YIPF4: variants seen among roughly 807,000 people sequenced by gnomAD.
YIPF4 encodes Yip1 domain family member 4, also known as protein YIPF4.
A neutral mutation model predicts 29.4 loss-of-function variants in YIPF4; 18 were observed. That is an observed-to-expected ratio of 0.61 (90% CI 0.42 to 0.91). The LOEUF is 0.91. Ranked by LOEUF, YIPF4 falls within the 40% of genes least tolerant of loss-of-function variation. YIPF4 has a pLI of 0.00. For missense variants in YIPF4, 279 were observed against 282.7 expected, an observed-to-expected ratio of 0.99 and a Z score of 0.09; for synonymous variants, 115 against 104.7, an observed-to-expected ratio of 1.10 and a Z score of -0.60.
At chr2:32,279,541 G>A (rs1368242518) in intron 1 of YIPF4, among the ~76,000 whole-genome samples, 2 of 150,602 alleles carry the variant, frequency 1.3e-5, no homozygotes, top group Non-Finnish European at 3.0e-5. Flanking sequence ...GGGACTACAG[G>A]CGCCCGCCAC....
intron 1 of YIPF4, among the ~76,000 whole-genome samples, chr2:32,279,204 C>G (rs1381901139): frequency 2.6e-5 from 4 of 152,008 alleles, no homozygotes; most frequent in Admixed American, 1.3e-4. Flanking sequence ...ATCTCCTGAC[C>G]TCGTGATCCG....
intron 5 of YIPF4, 90 bp downstream of exon 5, chr2:32,301,585 C>T (rs768249506): frequency 3.7e-6 from 3 of 819,664 alleles, no homozygotes; most frequent in Non-Finnish European, 5.7e-6. Context: ...TGATATAAAA[C>T]TCTTTATCAA....
intron 2 of YIPF4, chr2:32,290,984 A>G (rs2030885522): frequency 6.5e-6 from 1 of 153,718 alleles, no homozygotes; most frequent in South Asian, 2.1e-4. Flanking sequence ...AAGATTTCCA[A>G]GAAGATTACC....
chr2:32,278,265 C>G (rs899211073), intron 1 of YIPF4, 31 bp downstream of exon 1: 20 of 1,528,880 alleles, frequency 1.3e-5, no homozygotes, highest in Admixed American at 2.1e-5. Flanking sequence ...GGGCTATCAC[C>G]CGGAGGAAGC....
chr2:32,281,744 C>A (rs1246199277), intron 1 of YIPF4, among the ~76,000 whole-genome samples: 1 of 151,736 alleles, frequency 6.6e-6, no homozygotes, highest in Non-Finnish European at 1.5e-5. Flanking sequence ...AAAAAATTAG[C>A]CGGGCATGGT....
chr2:32,285,810 C>T (rs542022505), intron 1 of YIPF4, among the ~76,000 whole-genome samples: 17 of 152,138 alleles, frequency 1.1e-4, no homozygotes, highest in African/African-American at 3.1e-4. Flanking sequence ...TGCTCGCCAC[C>T]GCACCCGGCT....
At chr2:32,280,709 C>T (rs764304587) in intron 1 of YIPF4, among the ~76,000 whole-genome samples, 6 of 151,738 alleles carry the variant, frequency 4.0e-5, no homozygotes, top group Non-Finnish European at 5.9e-5. Flanking sequence ...GTAGATCTCA[C>T]TAGGTTGCCT....
In YIPF4 at chr2:32,307,026, A is replaced by T; in HGVS notation, c.*1400A>T. On this transcript the variant is annotated 3_prime_UTR_variant, in exon 6 of 6. Transcript: ENST00000238831. ...AAGGAAAGAAAGAAAAACTTATTTTAAGCTGCAGAAAAAGTGTGGAGCACT... is the reference window on the plus strand; with the variant it reads ...AAGGAAAGAAAGAAAAACTTATTTTTAGCTGCAGAAAAAGTGTGGAGCACT... 1.0e-6 allele frequency: 1 copy of T among 967,762 alleles called. No individual in the cohort carries two copies. The highest frequency in any genetic ancestry group is 1.4e-6 in the Non-Finnish European group (1 of 720,412). 59.9% of individuals were successfully genotyped at this position (967,762 alleles called of 1,614,324 possible).
intron 2 of YIPF4, 77 bp downstream of exon 2, chr2:32,290,713 G>T: frequency 9.4e-7 from 1 of 1,066,406 alleles, no homozygotes; most frequent in Non-Finnish European, 1.2e-6. Flanking sequence ...TTGTTATTTA[G>T]AGAGAAAGCA....
chr2:32,292,117 G>T, intron 2 of YIPF4, 60 bp from the exon 3 acceptor site: 4 of 1,132,046 alleles, frequency 3.5e-6, no homozygotes, highest in Non-Finnish European at 3.5e-6. Flanking sequence ...ATTTTTTTTT[G>T]GAATTGTTTT....
chr2:32,302,851 T>C lies in YIPF4; in HGVS notation c.597+1356T>C, dbSNP rs186062052. Among the ~76,000 whole-genome samples, 7 of 152,322 alleles carry C rather than the reference T, an allele frequency of 4.6e-5. No individual in the cohort carries two copies. In the East Asian group the frequency reaches 1.3e-3, roughly 29 times the overall value. ...ACTAATTTCAATATAAAAGAAATAA[T>C]GATTCCTTTTAGAATTTGGAAACTA... On this transcript the variant is annotated intron_variant, in intron 5 of 5. Coordinates refer to ENST00000238831, the MANE Select transcript of YIPF4 (RefSeq NM_032312.4).
intron 1 of YIPF4, among the ~76,000 whole-genome samples, chr2:32,284,691 A>G (rs956681229): frequency 6.6e-6 from 1 of 152,192 alleles, no homozygotes; most frequent in African/African-American, 2.4e-5. Flanking sequence ...TCTTTAGAGC[A>G]ATGCAAGAAT....
Position 32,278,130 on chromosome 2 carries a change from C to A in YIPF4, c.-26C>A. On this transcript the variant is annotated 5_prime_UTR_variant, in exon 1 of 6. Transcript: ENST00000238831. ...TGGGCCCAGCCGCAGCCTCTTCTAC[C>A]GCGGCCGGTTGGGAGTCGCCGCGAG... 6.5e-7 allele frequency: 1 copy of A among 1,542,434 alleles called. No homozygotes were observed. Among genetic ancestry groups the A allele is most frequent in the Non-Finnish European group, 8.7e-7 (1 of 1,144,276 alleles).
rs139060167 is a variant in YIPF4 at position 32,278,958 on chromosome 2, A to G, written c.79+724A>G. Reference sequence around the variant, plus strand: ...TCCCTATCCAACTCATAACCTGGATATTATTCTGCTAGTCATTTTCAATTT... The same window carrying G: ...TCCCTATCCAACTCATAACCTGGATGTTATTCTGCTAGTCATTTTCAATTT... On this transcript the variant is annotated intron_variant, in intron 1 of 5. Coordinates refer to ENST00000238831, the MANE Select transcript of YIPF4 (RefSeq NM_032312.4). Among the ~76,000 whole-genome samples, 652 of 151,824 alleles carry G rather than the reference A, an allele frequency of 4.3e-3. 3 individuals carry two copies. The highest frequency in any genetic ancestry group is 0.015 in the African/African-American group (620 of 41,356).
chr2:32,280,321 G>A (rs1455141490), intron 1 of YIPF4, among the ~76,000 whole-genome samples: 4 of 150,696 alleles, frequency 2.7e-5, no homozygotes, highest in African/African-American at 7.3e-5. Flanking sequence ...TAGTAGAGAC[G>A]GGGTTTCACT....
intron 1 of YIPF4, among the ~76,000 whole-genome samples, chr2:32,280,077 G>A (rs1193998101): frequency 6.7e-6 from 1 of 150,272 alleles, no homozygotes; most frequent in African/African-American, 2.4e-5. Flanking sequence ...TTCTCTTCAA[G>A]TGGACCCATG....
rs1036812077 is a variant in YIPF4 at position 32,314,263 on chromosome 2, G to A, written c.*8637G>A. On this transcript the variant is annotated 3_prime_UTR_variant, in exon 6 of 6. Transcript: ENST00000238831. ...AAGAATTTCACAAGTATTATGTTGA[G>A]TGAAAAAGACAAAGAATTTGTACTG... The A allele has an allele frequency of 3.9e-5, 6 of 152,208 alleles. No homozygotes were observed. The highest frequency in any genetic ancestry group is 1.4e-4 in the African/African-American group (6 of 41,464). The allele number at this position is 152,208 out of a possible 1,614,324, so 9.4% of individuals were successfully genotyped here. A position where few individuals can be genotyped will look rare whatever the true frequency, so the allele number is the denominator to read the frequency against.
At position 32,277,907 on chromosome 2, in the gene YIPF4, A is replaced by C. The variant is rs772849063; in HGVS notation, c.-249A>C. ...AAGAGCCAATCCCAGCGCCGCTGTC[A>C]CTGTTATGGTCCTGTCAGGGTGCCG... On this transcript the variant is annotated 5_prime_UTR_variant, in exon 1 of 6. Transcript: ENST00000238831. 5 of 491,776 alleles carry C rather than the reference A, an allele frequency of 1.0e-5. No homozygotes were observed. The highest frequency in any genetic ancestry group is 1.4e-5 in the Non-Finnish European group (4 of 279,400). 30.5% of individuals were successfully genotyped at this position (491,776 alleles called of 1,614,324 possible).
chr2:32,304,357 A>G (rs911469043), intron 5 of YIPF4, among the ~76,000 whole-genome samples: 2 of 152,114 alleles, frequency 1.3e-5, no homozygotes, highest in Non-Finnish European at 2.9e-5. Flanking sequence ...GTTTGATCAA[A>G]TTTTATTTTA....
Sources: gnomAD v4.1 joint callset for allele counts (sites outside exome capture counted in the v4.1 genomes callset) on GRCh38, gnomAD v4.1.1 for gene constraint, MANE v1.5 for transcripts, NCBI Gene and HGNC (gene_info 2026-07-23, HGNC 2026-07-21) for gene names.